Variants in ADGRB3 observed in about 807,000 individuals in gnomAD.
ADGRB3 encodes the protein brain-specific angiogenesis inhibitor 3.
A neutral mutation model predicts 193.4 loss-of-function variants in ADGRB3; 37 were observed. That is an observed-to-expected ratio of 0.19 (90% CI 0.15 to 0.25). The LOEUF (loss-of-function observed/expected upper bound fraction) is 0.25, where lower values mean the gene tolerates loss of function less well. Among genes scored for constraint, ADGRB3 ranks in the 10% least tolerant of loss-of-function variants. The pLI, the probability that ADGRB3 is intolerant of heterozygous loss-of-function variation, is 1.00. For synonymous variants in ADGRB3, 690 were observed against 644.2 expected, an observed-to-expected ratio of 1.07 and a Z score of -1.08; for missense variants, 1,637 against 1,852.9, an observed-to-expected ratio of 0.88 and a Z score of 2.14.
chr6:69,308,997 A>G (rs755418688), intron 20 of ADGRB3, among the ~76,000 whole-genome samples: 1 of 151,734 alleles, frequency 6.6e-6, no homozygotes, highest in Non-Finnish European at 1.5e-5. Context: ...TATTTGTTAC[A>G]GTTCTGTTAT....
At chr6:68,943,790 G>T (rs758994910) in intron 5 of ADGRB3, 40 bp from the exon 6 acceptor site, 1 of 1,514,676 alleles carries the variant, frequency 6.6e-7, no homozygotes, top group Admixed American at 1.8e-5. Flanking sequence ...TGATTTTACT[G>T]CTCTGCTTTT....
At chr6:68,917,053 C>T (rs1417350827) in intron 3 of ADGRB3, among the ~76,000 whole-genome samples, 2 of 152,106 alleles carry the variant, frequency 1.3e-5, no homozygotes, top group Non-Finnish European at 2.9e-5. Flanking sequence ...TACATTGGTC[C>T]AAGTGATAGA....
intron 17 of ADGRB3, among the ~76,000 whole-genome samples, chr6:69,164,265 G>A (rs1157014220): frequency 6.6e-6 from 1 of 151,884 alleles, no homozygotes; most frequent in Non-Finnish European, 1.5e-5. Context: ...CACAGTGCTG[G>A]CACATGGCAG....
intron 6 of ADGRB3, among the ~76,000 whole-genome samples, chr6:68,952,732 C>CA (rs1767962247): frequency 6.6e-6 from 1 of 152,048 alleles, no homozygotes; most frequent in African/African-American, 2.4e-5. Context: ...AATAAAATCG[C>CA]AAAAAATGCC....
intron 3 of ADGRB3, among the ~76,000 whole-genome samples, chr6:68,847,468 G>A (rs1768302194): frequency 6.6e-6 from 1 of 152,176 alleles, no homozygotes; most frequent in Admixed American, 6.6e-5. Context: ...ATGGGACCTA[G>A]TGGGAGGTGA....
intron 20 of ADGRB3, among the ~76,000 whole-genome samples, chr6:69,299,606 C>G (rs1367432210): frequency 6.6e-6 from 1 of 151,828 alleles, no homozygotes; most frequent in East Asian, 1.9e-4. Flanking sequence ...ATATGGGTAT[C>G]CAGTTTTCCC....
chr6:69,100,599 TA>T (rs1773003790), intron 17 of ADGRB3, among the ~76,000 whole-genome samples: 1 of 152,072 alleles, frequency 6.6e-6, no homozygotes, highest in Non-Finnish European at 1.5e-5. Flanking sequence ...CAAGAAGACC[TA>T]ACCTTGGTCA....
rs1333723839 is a variant in ADGRB3 at position 68,754,736 on chromosome 6, A to AT, written c.757+115307dup. The stretch of plus-strand genomic sequence containing the variant: ...GAAGTCATGGGTGGAGAATAAGGAA[A>AT]TTTAAAAAAAAAAACAGCATTAGAA... On this transcript the variant is annotated intron_variant, in intron 3 of 31. Transcript: ENST00000370598. Among the ~76,000 whole-genome samples, 17 of 52,798 alleles carry AT rather than the reference A, an allele frequency of 3.2e-4. 1 individual carries two copies. Among genetic ancestry groups the AT allele is most frequent in the Admixed American group, 2.0e-4 (1 of 4,962 alleles). The allele number at this position is 52,798 out of a possible 152,430, so 34.6% of individuals were successfully genotyped here. A position where few individuals can be genotyped will look rare whatever the true frequency, so the allele number is the denominator to read the frequency against.
At chr6:69,267,754 A>C (rs1430797399) in intron 20 of ADGRB3, among the ~76,000 whole-genome samples, 1 of 152,150 alleles carries the variant, frequency 6.6e-6, no homozygotes, top group Non-Finnish European at 1.5e-5. Context: ...CTAATTACAA[A>C]ATTTTAATTA....
chr6:69,085,395 G>T (rs1054245450), intron 17 of ADGRB3, among the ~76,000 whole-genome samples: 1 of 152,030 alleles, frequency 6.6e-6, no homozygotes, highest in Non-Finnish European at 1.5e-5. Flanking sequence ...ATATTAATGG[G>T]TATAGTATTA....
chr6:68,849,376 G>A (rs1768352099), intron 3 of ADGRB3, among the ~76,000 whole-genome samples: 1 of 151,700 alleles, frequency 6.6e-6, no homozygotes, highest in Admixed American at 6.6e-5. Flanking sequence ...GAAAATTTAA[G>A]TAATCTCTTA....
chr6:68,899,768 A>T (rs1282334831), intron 3 of ADGRB3, among the ~76,000 whole-genome samples: 1 of 152,066 alleles, frequency 6.6e-6, no homozygotes, highest in Non-Finnish European at 1.5e-5. Flanking sequence ...TTAATTAAAT[A>T]TTGCAATAAT....
chr6:69,182,848 A>G (rs1483886503), intron 17 of ADGRB3, among the ~76,000 whole-genome samples: 1 of 152,116 alleles, frequency 6.6e-6, no homozygotes, highest in Non-Finnish European at 1.5e-5. Flanking sequence ...TTGCTGAACA[A>G]TAAAAAACTG....
At chr6:69,338,465 T>C (rs755947090) in intron 24 of ADGRB3, among the ~76,000 whole-genome samples, 29 of 152,232 alleles carry the variant, frequency 1.9e-4, no homozygotes, top group Non-Finnish European at 3.7e-4. Context: ...TTTCTTCCTA[T>C]GTTGGACTTC....
At chr6:69,302,136 A>C (rs146626073) in intron 20 of ADGRB3, among the ~76,000 whole-genome samples, 1 of 151,946 alleles carries the variant, frequency 6.6e-6, no homozygotes, top group South Asian at 2.1e-4. Flanking sequence ...TTTAATGTAG[A>C]TGAAAGTGTC....
At chr6:69,327,344 G>A (rs1028757582) in intron 21 of ADGRB3, among the ~76,000 whole-genome samples, 1 of 152,138 alleles carries the variant, frequency 6.6e-6, no homozygotes, top group Non-Finnish European at 1.5e-5. Flanking sequence ...TATAAAGAAA[G>A]TGTTAACTCA....
intron 11 of ADGRB3, among the ~76,000 whole-genome samples, chr6:69,001,777 G>GT (rs150531787): frequency 4.6e-5 from 7 of 152,302 alleles, no homozygotes; most frequent in Non-Finnish European, 8.8e-5. Context: ...ACCCAGGCAT[G>GT]TTCCTACTCA....
At chr6:69,246,491 G>A (rs941247233) in intron 20 of ADGRB3, among the ~76,000 whole-genome samples, 4 of 152,036 alleles carry the variant, frequency 2.6e-5, no homozygotes, top group Admixed American at 1.3e-4. Flanking sequence ...ATTTCCCCAG[G>A]CTCCCAGCAA....
At chr6:68,946,125 A>T (rs1037763208) in intron 6 of ADGRB3, among the ~76,000 whole-genome samples, 1 of 152,136 alleles carries the variant, frequency 6.6e-6, no homozygotes, top group Non-Finnish European at 1.5e-5. Flanking sequence ...GCATCATAAA[A>T]GATGTAGAAT....
Sources: gnomAD v4.1 joint callset for allele counts (sites outside exome capture counted in the v4.1 genomes callset) on GRCh38, gnomAD v4.1.1 for gene constraint, MANE v1.5 for transcripts, NCBI Gene and HGNC (gene_info 2026-07-23, HGNC 2026-07-21) for gene names.